The following CNNM1 variants were observed in gnomAD, a reference collection of about 807,000 sequenced individuals.
The protein encoded by CNNM1 is cyclin and CBS domain divalent metal cation transport mediator 1.
In CNNM1, 44 loss-of-function variants were observed where a neutral mutation model predicts 78.8. The ratio of observed to expected loss-of-function variants is 0.56; its 90% CI spans 0.44 to 0.72. CNNM1 has a LOEUF of 0.72. CNNM1 is among the 30% of genes least tolerant of loss of function. The pLI, the probability that CNNM1 is intolerant of heterozygous loss-of-function variation, is 0.00. For missense variants in CNNM1, 1,101 were observed against 1,292.2 expected (o/e 0.85, Z 2.27); for synonymous variants, 584 against 581.5 (o/e 1.00, Z -0.06).
rs55670936 is a variant in CNNM1 at position 99,381,409 on chromosome 10, CAA to C, written c.2340+4206_2340+4207del. Among the ~76,000 whole-genome samples the C allele has an allele frequency of 7.5e-3, 859 of 114,594 alleles. 3 individuals are homozygous for C. Among genetic ancestry groups the C allele is most frequent in the Non-Finnish European group, 0.011 (607 of 56,118 alleles). The allele number at this position is 114,594 out of a possible 152,430, so 75.2% of individuals were successfully genotyped here. On this transcript the variant is annotated intron_variant, in intron 7 of 10. Coordinates refer to ENST00000356713, the MANE Select transcript of CNNM1 (RefSeq NM_020348.3). ...AGCGGCAAGAGTGAGACTCTGTCTT[CAA>C]AAAAAAAAAAAAAAGGAAAAAAAAG...
At chr10:99,352,192 A>G (rs772070940) in intron 1 of CNNM1, among the ~76,000 whole-genome samples, 3 of 152,144 alleles carry the variant, frequency 2.0e-5, no homozygotes, top group African/African-American at 7.2e-5. Flanking sequence ...AGATTGGTCT[A>G]TTCTGGAAAT....
intron 9 of CNNM1, among the ~76,000 whole-genome samples, chr10:99,388,613 GT>G (rs922628431): frequency 6.6e-6 from 1 of 152,024 alleles, no homozygotes; most frequent in Non-Finnish European, 1.5e-5. Flanking sequence ...CTAAGACTCA[GT>G]TTTTTTTATC....
chr10:99,330,522 C>T lies in CNNM1; in HGVS notation c.1135C>T (p.Leu379=). The change falls in exon 1 of 11, where the codon CTG becomes TTG. Residue 379 remains leucine, a synonymous_variant. Coordinates refer to ENST00000356713, the MANE Select transcript of CNNM1 (RefSeq NM_020348.3). Reference sequence around the variant, plus strand: ...CCCCGTGTGCTACCCGCTGGGCCGCCTGCTGGACTGGGCGCTGCGCCAGGA... The same window carrying T: ...CCCCGTGTGCTACCCGCTGGGCCGCTTGCTGGACTGGGCGCTGCGCCAGGA... ...AFPVCYPLGR[L]LDWALRQEIS... is the part of the protein sequence containing the mutation. The T allele has an allele frequency of 1.9e-6, 3 of 1,589,870 alleles. No homozygotes were observed. The highest frequency in any genetic ancestry group is 2.6e-6 in the Non-Finnish European group (3 of 1,168,720).
At chr10:99,332,701 G>A (rs1036877752) in intron 1 of CNNM1, among the ~76,000 whole-genome samples, 1 of 152,124 alleles carries the variant, frequency 6.6e-6, no homozygotes, top group African/African-American at 2.4e-5. Context: ...TGGAAGGGGG[G>A]AAAAAGGTCT....
chr10:99,364,897 C>T (rs2031560965), intron 5 of CNNM1, 58 bp from the exon 6 acceptor site: 1 of 1,530,950 alleles, frequency 6.5e-7, no homozygotes, highest in Non-Finnish European at 9.0e-7. Flanking sequence ...GGAAGATTCC[C>T]ATAAGAAGTG....
intron 1 of CNNM1, among the ~76,000 whole-genome samples, chr10:99,351,254 G>A (rs970344974): frequency 6.6e-6 from 1 of 152,178 alleles, no homozygotes; most frequent in African/African-American, 2.4e-5. Flanking sequence ...AATAGGTAAT[G>A]TGGTATCTCA....
At chr10:99,331,657 A>G (rs1455054817) in intron 1 of CNNM1, among the ~76,000 whole-genome samples, 1 of 152,182 alleles carries the variant, frequency 6.6e-6, no homozygotes, top group East Asian at 1.9e-4. Context: ...ACTCGAGCCC[A>G]GGAGTTCAAA....
intron 3 of CNNM1, 126 bp downstream of exon 3, chr10:99,361,101 A>G: frequency 9.2e-7 from 1 of 1,087,812 alleles, no homozygotes. Flanking sequence ...GCACTGTTCT[A>G]GGAAGGAGGT....
chr10:99,377,448 A>C, intron 7 of CNNM1: 1 of 343,244 alleles, frequency 2.9e-6, no homozygotes. Context: ...CCCTTTTTTC[A>C]TGTGGGGAAA....
chr10:99,339,665 A>T (rs74513691), intron 1 of CNNM1, among the ~76,000 whole-genome samples: 5,663 of 152,236 alleles, frequency 0.037, 222 homozygotes, highest in East Asian at 0.16. Flanking sequence ...TAGTTCATGG[A>T]AAAATCATCT....
chr10:99,369,524 A>C (rs1294082089), intron 6 of CNNM1, among the ~76,000 whole-genome samples: 1 of 152,186 alleles, frequency 6.6e-6, no homozygotes, highest in African/African-American at 2.4e-5. Flanking sequence ...GTAGACCCTC[A>C]ACATTTAAAA....
intron 7 of CNNM1, 104 bp from the exon 8 acceptor site, chr10:99,387,716 G>A (rs2032345564): frequency 5.9e-6 from 7 of 1,180,074 alleles, no homozygotes; most frequent in South Asian, 1.7e-5. Context: ...AGAGGCCGAG[G>A]GTTCCAAGCA....
chr10:99,386,778 C>G (rs1457153440), intron 7 of CNNM1, among the ~76,000 whole-genome samples: 1 of 152,226 alleles, frequency 6.6e-6, no homozygotes, highest in Non-Finnish European at 1.5e-5. Context: ...TAACCATCCC[C>G]TCTCCTATTT....
chr10:99,378,346 A>T (rs754258445), intron 7 of CNNM1, among the ~76,000 whole-genome samples: 2 of 152,232 alleles, frequency 1.3e-5, no homozygotes, highest in Non-Finnish European at 2.9e-5. Context: ...GGCCAGCAGA[A>T]CACCCAGTGG....
intron 1 of CNNM1, among the ~76,000 whole-genome samples, chr10:99,343,262 C>T (rs563950954): frequency 5.3e-5 from 8 of 152,090 alleles, no homozygotes; most frequent in African/African-American, 9.6e-5. Flanking sequence ...CGTGACCGCC[C>T]GGCATGTCTT....
In CNNM1 at chr10:99,390,324, G is replaced by T. The variant is rs1467439492; in HGVS notation, c.2693G>T (p.Cys898Phe). The T allele has an allele frequency of 6.2e-7, 1 of 1,612,686 alleles. No homozygotes were observed. The highest frequency in any genetic ancestry group is 8.5e-7 in the Non-Finnish European group (1 of 1,179,400). The change falls in exon 10 of 11, where the codon TGT becomes TTT. Residue 898 changes from cysteine to phenylalanine, a missense_variant. Cys to Phe is a radical substitution (Grantham distance 205). Coordinates refer to ENST00000356713, the MANE Select transcript of CNNM1 (RefSeq NM_020348.3). Reference protein sequence around the residue: ...PTRAASDSECCNINLDTETSP... With the variant: ...PTRAASDSECFNINLDTETSP... ...TTCTCAGCATCAGATAGTGAATGTT[G>T]TAACATCAACCTGGATACAGAGACC...
At chr10:99,368,961 G>A (rs1180081837) in intron 6 of CNNM1, among the ~76,000 whole-genome samples, 2 of 152,182 alleles carry the variant, frequency 1.3e-5, no homozygotes, top group African/African-American at 4.8e-5. Flanking sequence ...TCATTTGTCT[G>A]ACTACAGAAT....
At position 99,357,662 on chromosome 10, in the gene CNNM1, G is replaced by GC. The variant is rs2031269731; in HGVS notation, c.1717+8dup. The GC allele has an allele frequency of 6.3e-7, 1 of 1,599,732 alleles. No homozygotes were observed. Among genetic ancestry groups the GC allele is most frequent in the Non-Finnish European group, 8.5e-7 (1 of 1,173,016 alleles). Reference sequence around the variant, plus strand: ...GATGAAACTGATCTCTACAGTAAGTGCACGGCCTTGGCTGTTCTCCAGGGT... The same window carrying GC: ...GATGAAACTGATCTCTACAGTAAGTGCCACGGCCTTGGCTGTTCTCCAGGGT... On this transcript the variant is annotated splice_region_variant and intron_variant, in intron 2 of 10. Transcript: ENST00000356713.
intron 1 of CNNM1, 59 bp downstream of exon 1, chr10:99,331,019 C>A (rs2029891254): frequency 1.3e-6 from 2 of 1,498,196 alleles, no homozygotes; most frequent in East Asian, 4.5e-5. Context: ...ATTATCCTTT[C>A]CTAACCACGT....
Sources: allele counts gnomAD v4.1 joint callset (sites outside exome capture counted in the v4.1 genomes callset), GRCh38; gene constraint gnomAD v4.1.1; transcripts MANE v1.5; gene names NCBI Gene and HGNC (gene_info 2026-07-23, HGNC 2026-07-21).